Variants in RIMS2 observed in about 807,000 individuals in gnomAD.
RIMS2 encodes the protein regulating synaptic membrane exocytosis protein 2.
RIMS2 carries 59 observed loss-of-function variants against 174.4 expected under a neutral mutation model. That is an observed-to-expected ratio of 0.34 (90% CI 0.27 to 0.42). The LOEUF is 0.42. Among genes scored for constraint, RIMS2 ranks in the 10% least tolerant of loss-of-function variants. RIMS2 has a pLI of 1.00. For missense variants in RIMS2, 1,620 were observed against 1,666.3 expected (o/e 0.97, Z 0.48); for synonymous variants, 606 against 572.5 (o/e 1.06, Z -0.84).
At chr8:103,604,320 G>A (rs373770546) in intron 1 of RIMS2, among the ~76,000 whole-genome samples, 42 of 151,550 alleles carry the variant, frequency 2.8e-4, no homozygotes, top group Non-Finnish European at 4.7e-4. Context: ...GATATGCGGC[G>A]TTATTTCTGA....
chr8:104,189,829 A>G, intron 19 of RIMS2, among the ~76,000 whole-genome samples: 1 of 151,956 alleles, frequency 6.6e-6, no homozygotes, highest in Non-Finnish European at 1.5e-5. Context: ...AAAAAAACCA[A>G]TAATTACTTT....
chr8:103,843,983 T>TG, intron 3 of RIMS2, among the ~76,000 whole-genome samples: 1 of 152,288 alleles, frequency 6.6e-6, no homozygotes, highest in Admixed American at 6.5e-5. Flanking sequence ...GATGTTCTCA[T>TG]GATAGCAAAT....
intron 14 of RIMS2, among the ~76,000 whole-genome samples, chr8:103,958,075 T>C (rs929956317): frequency 2.0e-5 from 3 of 152,166 alleles, no homozygotes; most frequent in Non-Finnish European, 4.4e-5. Context: ...TGAATATAAA[T>C]CATTCTACCA....
At chr8:104,183,725 A>T (rs2098952987) in intron 19 of RIMS2, among the ~76,000 whole-genome samples, 1 of 151,556 alleles carries the variant, frequency 6.6e-6, no homozygotes, top group South Asian at 2.1e-4. Context: ...AAATAATATG[A>T]TTTTATCTTC....
chr8:103,735,833 A>G (rs1405993150), intron 2 of RIMS2, among the ~76,000 whole-genome samples: 3 of 152,174 alleles, frequency 2.0e-5, no homozygotes, highest in South Asian at 2.1e-4. Context: ...AAGCAGAGAC[A>G]TACTTCCTTG....
chr8:103,827,293 A>G (rs991319258), intron 3 of RIMS2, among the ~76,000 whole-genome samples: 18 of 152,188 alleles, frequency 1.2e-4, no homozygotes, highest in Non-Finnish European at 7.4e-5. Context: ...ATTAAAATCT[A>G]ACTTATTTTT....
At chr8:103,887,057 A>T (rs1001771083) in intron 4 of RIMS2, among the ~76,000 whole-genome samples, 4 of 151,804 alleles carry the variant, frequency 2.6e-5, no homozygotes, top group African/African-American at 9.7e-5. Flanking sequence ...AACATGCTTT[A>T]CTCTTATCAG....
At chr8:103,747,206 A>G (rs749545251) in intron 2 of RIMS2, among the ~76,000 whole-genome samples, 1 of 150,360 alleles carries the variant, frequency 6.7e-6, no homozygotes, top group Non-Finnish European at 1.5e-5. Flanking sequence ...CTCGTCATCT[A>G]GCATTAGGTA....
rs2095499623 is a variant in RIMS2 at position 103,616,162 on chromosome 8, A to G, written c.177-80924A>G. ...GAATCCAGCAGAACAACAGAAGGCT[A>G]ATCCATCATAATCAGGTAGGCTTCA... On this transcript the variant is annotated intron_variant, in intron 1 of 23. Transcript: ENST00000504942. 2.0e-5 allele frequency among the ~76,000 whole-genome samples: 3 copies of G among 152,202 alleles called. No homozygotes were observed. The South Asian group carries it at 6.2e-4, about 31-fold the overall frequency.
chr8:103,587,852 A>T (rs1219332460), intron 1 of RIMS2, among the ~76,000 whole-genome samples: 1 of 152,106 alleles, frequency 6.6e-6, no homozygotes, highest in African/African-American at 2.4e-5. Context: ...GGAACGTGAC[A>T]GTGATGCCCA....
chr8:104,020,230 AT>A (rs2096053679), intron 19 of RIMS2, among the ~76,000 whole-genome samples: 1 of 151,108 alleles, frequency 6.6e-6, no homozygotes, highest in Non-Finnish European at 1.5e-5. Context: ...CTTGGTTTTT[AT>A]TTTGGTTATT....
chr8:103,553,869 A>C (rs982546591), intron 1 of RIMS2, among the ~76,000 whole-genome samples: 2 of 152,192 alleles, frequency 1.3e-5, no homozygotes, highest in African/African-American at 4.8e-5. Flanking sequence ...GACCAATGGA[A>C]CAGAATAGAG....
chr8:103,613,419 G>A (rs950206892), intron 1 of RIMS2, among the ~76,000 whole-genome samples: 1 of 152,120 alleles, frequency 6.6e-6, no homozygotes, highest in Non-Finnish European at 1.5e-5. Flanking sequence ...TGTGGTGAAT[G>A]CTTCCATGTG....
chr8:104,238,066 T>C (rs1433674470), intron 19 of RIMS2, among the ~76,000 whole-genome samples: 1 of 152,128 alleles, frequency 6.6e-6, no homozygotes, highest in African/African-American at 2.4e-5. Flanking sequence ...CCGTCAATGA[T>C]AGACTGGATA....
In RIMS2 at chr8:103,906,079, A is replaced by C. The variant is rs1190167086; in HGVS notation, c.1625-4055A>C. Among the ~76,000 whole-genome samples the C allele has an allele frequency of 3.9e-5, 6 of 152,266 alleles. No homozygotes were observed. The East Asian group carries it at 1.2e-3, about 29-fold the overall frequency. ...TAAGCTGCAAAAAATAAGAATATCC[A>C]GTGGAAACTATTATTAGGTCTATAA... On this transcript the variant is annotated intron_variant, in intron 4 of 23. Coordinates refer to ENST00000504942, the Ensembl canonical transcript of RIMS2.
intron 3 of RIMS2, among the ~76,000 whole-genome samples, chr8:103,799,961 C>T (rs143085276): frequency 9.7e-4 from 147 of 152,244 alleles, no homozygotes; most frequent in African/African-American, 3.2e-3. Context: ...ACCAGCTTTA[C>T]AGTTTTTACC....
chr8:104,242,501 G>A (rs913937180), intron 19 of RIMS2, among the ~76,000 whole-genome samples: 1 of 152,142 alleles, frequency 6.6e-6, no homozygotes, highest in Non-Finnish European at 1.5e-5. Flanking sequence ...TACACTCGTA[G>A]CATTTGATGG....
At chr8:103,722,797 G>C (rs1316032746) in intron 2 of RIMS2, among the ~76,000 whole-genome samples, 1 of 152,160 alleles carries the variant, frequency 6.6e-6, no homozygotes, top group Non-Finnish European at 1.5e-5. Flanking sequence ...GATTTAATCT[G>C]TCTGACTAGG....
chr8:103,942,173 C>T (rs904552213), intron 13 of RIMS2, among the ~76,000 whole-genome samples: 21 of 152,120 alleles, frequency 1.4e-4, no homozygotes, highest in Admixed American at 7.9e-4. Flanking sequence ...GGCCCCAGTA[C>T]GTGTTATTTG....
Sources: allele counts gnomAD v4.1 joint callset (sites outside exome capture counted in the v4.1 genomes callset), GRCh38; gene constraint gnomAD v4.1.1; transcripts MANE v1.5; gene names NCBI Gene and HGNC (gene_info 2026-07-23, HGNC 2026-07-21).